The following GABRG3 variants were observed in gnomAD, a reference collection of about 807,000 sequenced individuals.
GABRG3 encodes gamma-aminobutyric acid type A receptor subunit gamma3.
GABRG3 carries 25 observed loss-of-function variants against 48.8 expected under a neutral mutation model. The ratio of observed to expected loss-of-function variants is 0.51; its 90% CI spans 0.37 to 0.72. The LOEUF (loss-of-function observed/expected upper bound fraction) is 0.72, where lower values mean the gene tolerates loss of function less well. GABRG3 is among the 30% of genes least tolerant of loss of function. GABRG3 has a pLI of 0.00. For missense variants in GABRG3, 394 were observed against 577.9 expected, an observed-to-expected ratio of 0.68 and a Z score of 3.26; for synonymous variants, 227 against 217.6, an observed-to-expected ratio of 1.04 and a Z score of -0.38.
chr15:27,002,172 A>G (rs1895461216), intron 2 of GABRG3, among the ~76,000 whole-genome samples: 1 of 152,202 alleles, frequency 6.6e-6, no homozygotes, highest in Admixed American at 6.5e-5. Flanking sequence ...TCCAGCCATT[A>G]CATCACTCAT....
intron 3 of GABRG3, among the ~76,000 whole-genome samples, chr15:27,105,717 A>G (rs769461646): frequency 3.2e-4 from 48 of 151,380 alleles, no homozygotes; most frequent in Non-Finnish European, 6.4e-4. Flanking sequence ...TGGTGCAGTC[A>G]TTATGGAAAG....
At chr15:27,517,097 G>A (rs78664510) in intron 6 of GABRG3, among the ~76,000 whole-genome samples, 2,479 of 147,590 alleles carry the variant, frequency 0.017, 80 homozygotes, top group African/African-American at 0.061. Context: ...CCATGCATGC[G>A]CCCAGCACTG....
intron 3 of GABRG3, among the ~76,000 whole-genome samples, chr15:27,077,489 C>T (rs529234314): frequency 2.0e-5 from 3 of 152,044 alleles, no homozygotes; most frequent in African/African-American, 7.2e-5. Context: ...TTAGAAATGC[C>T]AAGACAAATG....
At chr15:27,274,503 C>T (rs1891188591) in intron 3 of GABRG3, among the ~76,000 whole-genome samples, 1 of 152,136 alleles carries the variant, frequency 6.6e-6, no homozygotes, top group African/African-American at 2.4e-5. Flanking sequence ...TCTCAAGAAC[C>T]AGACCAGCCT....
At chr15:27,144,120 G>A (rs969772589) in intron 3 of GABRG3, among the ~76,000 whole-genome samples, 2 of 152,146 alleles carry the variant, frequency 1.3e-5, no homozygotes, top group Admixed American at 6.5e-5. Flanking sequence ...CTGACAATTG[G>A]CAAATCATCC....
intron 3 of GABRG3, among the ~76,000 whole-genome samples, chr15:27,248,803 C>CACACACACACACAGAGAGAGAG (rs1377080195): frequency 2.7e-5 from 3 of 110,240 alleles, no homozygotes; most frequent in East Asian, 5.0e-4. Context: ...CACACACACA[C>CACACACACACACAGAGAGAGAG]AGAGAGAGAG....
chr15:27,387,361 G>A (rs904075119), intron 5 of GABRG3, among the ~76,000 whole-genome samples: 1 of 151,974 alleles, frequency 6.6e-6, no homozygotes, highest in African/African-American at 2.4e-5. Flanking sequence ...GAAATAAATG[G>A]GTTAGTTTTT....
chr15:27,175,236 C>G (rs1214988434), intron 3 of GABRG3, among the ~76,000 whole-genome samples: 1 of 152,116 alleles, frequency 6.6e-6, no homozygotes, highest in Middle Eastern at 3.2e-3. Flanking sequence ...CAGGACTCCC[C>G]CAGCCTTGTC....
At chr15:27,393,116 C>T (rs192767928) in intron 5 of GABRG3, among the ~76,000 whole-genome samples, 28 of 152,110 alleles carry the variant, frequency 1.8e-4, no homozygotes, top group East Asian at 1.2e-3. Flanking sequence ...GAGGCCAAGG[C>T]GGGCAGATCA....
intron 6 of GABRG3, among the ~76,000 whole-genome samples, chr15:27,510,496 G>A (rs1890870956): frequency 6.6e-6 from 1 of 152,178 alleles, no homozygotes; most frequent in Non-Finnish European, 1.5e-5. Flanking sequence ...CAATGATGTG[G>A]ACGTGGGTGG....
At chr15:27,061,360 G>T (rs1896641582) in intron 3 of GABRG3, among the ~76,000 whole-genome samples, 1 of 152,152 alleles carries the variant, frequency 6.6e-6, no homozygotes, top group African/African-American at 2.4e-5. Flanking sequence ...ACGGGGCTGG[G>T]TGGGTTCTGA....
chr15:27,342,862 C>G (rs913528252), intron 5 of GABRG3, among the ~76,000 whole-genome samples: 1 of 152,192 alleles, frequency 6.6e-6, no homozygotes, highest in Non-Finnish European at 1.5e-5. Context: ...CTCCTGCCTC[C>G]TAGTCTGGAC....
chr15:27,159,509 T>C (rs1566950552), intron 3 of GABRG3, among the ~76,000 whole-genome samples: 1 of 151,966 alleles, frequency 6.6e-6, no homozygotes, highest in Non-Finnish European at 1.5e-5. Flanking sequence ...GCTCCCTCCA[T>C]CCTGCCTGAA....
At chr15:27,188,270 A>G (rs1476865465) in intron 3 of GABRG3, among the ~76,000 whole-genome samples, 1 of 152,112 alleles carries the variant, frequency 6.6e-6, no homozygotes, top group Admixed American at 6.5e-5. Context: ...GTCAAATGGT[A>G]TTTCTAGTTC....
chr15:27,346,109 GAA>G (rs1215916732), intron 5 of GABRG3, among the ~76,000 whole-genome samples: 1 of 142,174 alleles, frequency 7.0e-6, no homozygotes, highest in Admixed American at 7.0e-5. Context: ...GAAAGAAAGA[GAA>G]AGGAAAGAAA....
chr15:27,388,870 A>G (rs910549815), intron 5 of GABRG3, among the ~76,000 whole-genome samples: 3 of 152,036 alleles, frequency 2.0e-5, no homozygotes, highest in African/African-American at 7.3e-5. Context: ...AGAGAGGAAG[A>G]GAGAGAGACA....
chr15:27,061,322 C>T, intron 3 of GABRG3, among the ~76,000 whole-genome samples: 1 of 152,158 alleles, frequency 6.6e-6, no homozygotes, highest in East Asian at 1.9e-4. Context: ...GGTGTGAGAA[C>T]ACCGCACTGC....
chr15:27,036,553 T>C (rs1896182246), intron 3 of GABRG3, among the ~76,000 whole-genome samples: 1 of 152,116 alleles, frequency 6.6e-6, no homozygotes, highest in Non-Finnish European at 1.5e-5. Context: ...AGCTGGGCTT[T>C]GTGGCATGCA....
intron 3 of GABRG3, among the ~76,000 whole-genome samples, chr15:27,031,091 C>CAA (rs761694381): frequency 6.7e-6 from 1 of 149,590 alleles, no homozygotes; most frequent in African/African-American, 2.5e-5. Flanking sequence ...CACACACATA[C>CAA]AACACATAAC....
Sources: gnomAD v4.1 joint callset for allele counts (sites outside exome capture counted in the v4.1 genomes callset) on GRCh38, gnomAD v4.1.1 for gene constraint, MANE v1.5 for transcripts, NCBI Gene and HGNC (gene_info 2026-07-23, HGNC 2026-07-21) for gene names.